Variants in EIF4G3 observed in about 807,000 individuals in gnomAD.
The protein encoded by EIF4G3 is eukaryotic translation initiation factor 4 gamma 3.
In EIF4G3, 34 loss-of-function variants were observed where a neutral mutation model predicts 186.4. That is an observed-to-expected ratio of 0.18 (90% CI 0.14 to 0.24). EIF4G3 has a LOEUF of 0.24. Among genes scored for constraint, EIF4G3 ranks in the 10% least tolerant of loss-of-function variants. EIF4G3 has a pLI of 1.00. For synonymous variants in EIF4G3, 673 were observed against 679.5 expected (o/e 0.99, Z 0.15); for missense variants, 1,536 against 1,948.5 (o/e 0.79, Z 3.99).
At chr1:21,038,130 G>GC (rs2093344194) in intron 4 of EIF4G3, among the ~76,000 whole-genome samples, 1 of 152,118 alleles carries the variant, frequency 6.6e-6, no homozygotes, top group South Asian at 2.1e-4. Flanking sequence ...ATGGCTTTCT[G>GC]CCCCTCAGAA....
intron 4 of EIF4G3, among the ~76,000 whole-genome samples, chr1:21,021,911 G>A (rs2090814247): frequency 1.3e-5 from 2 of 152,044 alleles, no homozygotes; most frequent in African/African-American, 4.8e-5. Flanking sequence ...TTCAGTACAA[G>A]ATGAATAAAT....
At chr1:20,939,202 G>C (rs983085550) in intron 14 of EIF4G3, among the ~76,000 whole-genome samples, 12 of 148,998 alleles carry the variant, frequency 8.1e-5, no homozygotes, top group African/African-American at 2.9e-4. Flanking sequence ...AGATGTACAA[G>C]GAAATTATAA....
chr1:21,105,147 G>A (rs1310247616), intron 2 of EIF4G3, among the ~76,000 whole-genome samples: 2 of 152,226 alleles, frequency 1.3e-5, no homozygotes, highest in African/African-American at 2.4e-5. Context: ...TACAGGTCAG[G>A]TGCGTTGGCT....
intron 13 of EIF4G3, among the ~76,000 whole-genome samples, chr1:20,943,759 TTAAGA>T (rs2095809310): frequency 6.6e-6 from 1 of 152,226 alleles, no homozygotes; most frequent in Non-Finnish European, 1.5e-5. Context: ...AATATTACCA[TTAAGA>T]TATTATTAAT....
intron 7 of EIF4G3, among the ~76,000 whole-genome samples, chr1:20,996,660 A>G (rs896932035): frequency 1.3e-5 from 2 of 152,184 alleles, no homozygotes; most frequent in African/African-American, 2.4e-5. Flanking sequence ...GTTCCATAAC[A>G]ATCATATTAA....
chr1:21,082,788 T>C (rs936609792), intron 3 of EIF4G3, among the ~76,000 whole-genome samples: 118 of 151,808 alleles, frequency 7.8e-4, no homozygotes, highest in African/African-American at 2.6e-3. Flanking sequence ...CCTGTAATCC[T>C]AGCACTTTGG....
intron 3 of EIF4G3, among the ~76,000 whole-genome samples, chr1:21,062,040 C>G (rs1178338645): frequency 2.0e-5 from 3 of 151,870 alleles, no homozygotes; most frequent in Non-Finnish European, 4.4e-5. Flanking sequence ...AGCCACCGCA[C>G]CCAGTCTCTC....
intron 12 of EIF4G3, among the ~76,000 whole-genome samples, chr1:20,966,890 C>T (rs1280662222): frequency 1.3e-5 from 2 of 152,100 alleles, no homozygotes; most frequent in African/African-American, 4.8e-5. Flanking sequence ...AAAAGCTATT[C>T]GTTCATTCCA....
At chr1:21,139,503 A>T (rs2097303027) in intron 2 of EIF4G3, among the ~76,000 whole-genome samples, 1 of 152,180 alleles carries the variant, frequency 6.6e-6, no homozygotes, top group Non-Finnish European at 1.5e-5. Flanking sequence ...TCCAACAATC[A>T]GCATCATGCT....
At chr1:21,112,892 A>C (rs12093504) in intron 2 of EIF4G3, among the ~76,000 whole-genome samples, 4,962 of 152,266 alleles carry the variant, frequency 0.033, 268 homozygotes, top group African/African-American at 0.11. Flanking sequence ...CCAAATTTAA[A>C]ACTCTACCAA....
rs3081939 is a variant in EIF4G3, at chr1:20,994,628, CTT to C, written c.177+2971_177+2972del. On this transcript the variant is annotated intron_variant, in intron 7 of 36. Coordinates refer to ENST00000602326, the MANE Select transcript of EIF4G3 (RefSeq NM_001391906.1). The stretch of plus-strand genomic sequence containing the variant: ...ATAATAAATATAATAAACATATATA[CTT>C]TTTTTTTTTTTTTTTTGAGATAAAG... Among the ~76,000 whole-genome samples, 416 of 124,432 alleles carry C rather than the reference CTT, an allele frequency of 3.3e-3. 1 individual carries two copies. Among genetic ancestry groups the C allele is most frequent in the African/African-American group, 5.2e-3 (171 of 33,184 alleles). 81.6% of individuals were successfully genotyped at this position (124,432 alleles called of 152,430 possible).
intron 3 of EIF4G3, among the ~76,000 whole-genome samples, chr1:21,057,087 T>C (rs1405864306): frequency 1.3e-5 from 2 of 152,212 alleles, no homozygotes; most frequent in Non-Finnish European, 2.9e-5. Context: ...TACAACCACT[T>C]TGGGAAGCAA....
chr1:20,838,769 C>T (rs1010749553), intron 30 of EIF4G3, among the ~76,000 whole-genome samples: 16 of 152,110 alleles, frequency 1.1e-4, no homozygotes, highest in African/African-American at 3.4e-4. Flanking sequence ...CAGTCTGGAC[C>T]TCCCAGGTGC....
At position 20,855,071 on chromosome 1, in the gene EIF4G3, G is replaced by A. The variant is rs559554181; in HGVS notation, c.3340C>T (p.Pro1114Ser). The change falls in exon 26 of 37, where the codon CCT (proline) becomes TCT (serine). Residue 1114 changes from proline (P) to serine (S), a missense_variant and splice_region_variant. By Grantham distance (74) the Pro-to-Ser change is moderately conservative (BLOSUM62 -1). Coordinates refer to ENST00000602326, the MANE Select transcript of EIF4G3 (RefSeq NM_001391906.1). ...DPSKFLKITK[P>S]TIDEKIQLVP... ...AGCTGAATTTTTTCATCAATTGTAG[G>A]CTGTAACATAAGGGACCACAAGTCA... The A allele has an allele frequency of 5.0e-6, 8 of 1,604,548 alleles. No individual in the cohort carries two copies. In the Admixed American group the frequency reaches 1.3e-4, roughly 27 times the overall value.
chr1:21,117,923 A>G (rs2096857917), intron 2 of EIF4G3, among the ~76,000 whole-genome samples: 1 of 151,954 alleles, frequency 6.6e-6, no homozygotes, highest in African/African-American at 2.4e-5. Flanking sequence ...AAAAGGACTC[A>G]TGTACCCTAC....
chr1:20,942,109 A>G lies in EIF4G3; in HGVS notation c.1045T>C (p.Phe349Leu), dbSNP rs1241222213. 6.2e-7 allele frequency: 1 copy of G among 1,614,016 alleles called. No individual in the cohort carries two copies. The highest frequency in any genetic ancestry group is 1.3e-5 in the African/African-American group (1 of 74,906). Residue 349 changes from phenylalanine to leucine, a missense_variant, in exon 14 of 37, where the codon TTC becomes CTC. This residue lies in a region of EIF4G3 where 560 missense variants were observed against 547.8 expected (regional missense o/e 1.02). Transcript: ENST00000602326. ...CATCTGTCATCTATAGCAGTGGTGA[A>G]TATTGGTTGGCTACTAAGAGCAGAA... ...TSSALSSQPI[F>L]TTAIDDRCEL...
In EIF4G3 at chr1:20,941,778, G is replaced by A; in HGVS notation, c.1376C>T (p.Pro459Leu). The A allele has an allele frequency of 6.2e-7, 1 of 1,612,654 alleles. No homozygotes were observed. The highest frequency in any genetic ancestry group is 8.5e-7 in the Non-Finnish European group (1 of 1,179,300). Residue 459 changes from proline to leucine, a missense_variant, in exon 14 of 37, where the codon CCA (proline) becomes CTA (leucine). Pro to Leu is a moderately conservative substitution (Grantham distance 98). Transcript: ENST00000602326. ...PPEEMKLECI[P>L]APITPSTVPS... ...AACTGTGGAAGGGGTGATGGGAGCT[G>A]GGATACACTCCAGTTTCATTTCTTC...
At chr1:20,852,721 C>A (rs1285379184) in intron 27 of EIF4G3, among the ~76,000 whole-genome samples, 1 of 152,108 alleles carries the variant, frequency 6.6e-6, no homozygotes, top group Non-Finnish European at 1.5e-5. Context: ...GGAAGCAGAA[C>A]CATTAGGGGA....
At chr1:20,986,815 AT>A (rs2079664661) in intron 7 of EIF4G3, among the ~76,000 whole-genome samples, 1 of 151,686 alleles carries the variant, frequency 6.6e-6, no homozygotes, top group South Asian at 2.1e-4. Flanking sequence ...ACTGATAAAA[AT>A]GCTGCAAAGA....
Sources: allele counts gnomAD v4.1 joint callset (sites outside exome capture counted in the v4.1 genomes callset), GRCh38; gene constraint gnomAD v4.1.1; regional missense constraint gnomAD v4.1.1; transcripts MANE v1.5; gene names NCBI Gene and HGNC (gene_info 2026-07-23, HGNC 2026-07-21).